The following PDGFD variants were observed in gnomAD, a reference collection of about 807,000 sequenced individuals.
PDGFD encodes platelet derived growth factor D, also known as platelet-derived growth factor D.
In PDGFD, 30 loss-of-function variants were observed where a neutral mutation model predicts 44.7. The observed-to-expected ratio is 0.67, with a 90% CI of 0.50 to 0.91. The LOEUF (loss-of-function observed/expected upper bound fraction) is 0.91, where lower values mean the gene tolerates loss of function less well. Among genes scored for constraint, PDGFD ranks in the 40% least tolerant of loss-of-function variants. The pLI, the probability that PDGFD is intolerant of heterozygous loss-of-function variation, is 0.00. For missense variants in PDGFD, 445 were observed against 457.8 expected (o/e 0.97, Z 0.25); for synonymous variants, 173 against 168.4 (o/e 1.03, Z -0.21).
intron 1 of PDGFD, among the ~76,000 whole-genome samples, chr11:104,099,911 C>T (rs943067179): frequency 2.0e-5 from 3 of 152,026 alleles, no homozygotes; most frequent in Non-Finnish European, 2.9e-5. Flanking sequence ...ACACGGATTG[C>T]TTTAATCTGC....
At chr11:104,096,647 T>A (rs1316996846) in intron 1 of PDGFD, among the ~76,000 whole-genome samples, 1 of 152,180 alleles carries the variant, frequency 6.6e-6, no homozygotes, top group Non-Finnish European at 1.5e-5. Flanking sequence ...TACAGGTGTC[T>A]TATTACATAG....
At chr11:103,993,890 T>G (rs1467920639) in intron 3 of PDGFD, among the ~76,000 whole-genome samples, 1 of 151,592 alleles carries the variant, frequency 6.6e-6, no homozygotes, top group Non-Finnish European at 1.5e-5. Flanking sequence ...AACAGACCAG[T>G]AGAAAAATAC....
chr11:103,956,307 G>A (rs1858846500), intron 3 of PDGFD, among the ~76,000 whole-genome samples: 1 of 151,500 alleles, frequency 6.6e-6, no homozygotes, highest in Non-Finnish European at 1.5e-5. Context: ...GTGAGAACAG[G>A]CGGTGTTTGG....
intron 1 of PDGFD, among the ~76,000 whole-genome samples, chr11:104,094,491 TTTCTAAAATCAAAC>T (rs1324097318): frequency 6.6e-6 from 1 of 152,052 alleles, no homozygotes; most frequent in Non-Finnish European, 1.5e-5. Flanking sequence ...AAACTTCACT[TTTCTAAAATCAAAC>T]TCCCCACCTC....
intron 1 of PDGFD, among the ~76,000 whole-genome samples, chr11:104,154,447 CT>C (rs1399741475): frequency 6.6e-6 from 1 of 152,112 alleles, no homozygotes; most frequent in Non-Finnish European, 1.5e-5. Context: ...GGGCTAATCC[CT>C]GAAGAAACAA....
intron 1 of PDGFD, among the ~76,000 whole-genome samples, chr11:104,018,384 A>T (rs578040786): frequency 4.3e-4 from 65 of 152,174 alleles, no homozygotes; most frequent in Non-Finnish European, 1.3e-4. Context: ...AATATGTTTG[A>T]TTTTCCATCT....
intron 1 of PDGFD, among the ~76,000 whole-genome samples, chr11:104,051,944 T>C (rs1157148690): frequency 6.6e-6 from 1 of 152,176 alleles, no homozygotes; most frequent in African/African-American, 2.4e-5. Flanking sequence ...TTGCAACCAC[T>C]ATTTCCATCT....
chr11:104,077,081 G>T (rs2134425529), intron 1 of PDGFD, among the ~76,000 whole-genome samples: 1 of 152,280 alleles, frequency 6.6e-6, no homozygotes, highest in Admixed American at 6.5e-5. Flanking sequence ...GGAGTCAAAA[G>T]TTATACATTG....
At chr11:104,094,752 A>G (rs1476709447) in intron 1 of PDGFD, among the ~76,000 whole-genome samples, 1 of 152,138 alleles carries the variant, frequency 6.6e-6, no homozygotes, top group East Asian at 1.9e-4. Flanking sequence ...GACAAATACA[A>G]CAGTCTCCAA....
At chr11:103,965,803 C>T (rs1248099848) in intron 3 of PDGFD, among the ~76,000 whole-genome samples, 1 of 152,118 alleles carries the variant, frequency 6.6e-6, no homozygotes, top group Non-Finnish European at 1.5e-5. Context: ...ACAGGAACAC[C>T]TGCACTGAGC....
At chr11:103,927,194 G>T in intron 5 of PDGFD, 68 bp from the exon 6 acceptor site, 2 of 1,389,882 alleles carry the variant, frequency 1.4e-6, no homozygotes, top group Non-Finnish European at 1.0e-6. Context: ...CATGTGTTTT[G>T]GGGAATAGAG....
intron 1 of PDGFD, among the ~76,000 whole-genome samples, chr11:104,049,008 C>G (rs1860485080): frequency 6.6e-6 from 1 of 152,206 alleles, no homozygotes; most frequent in Admixed American, 6.5e-5. Context: ...CTGAGGAACA[C>G]AGAGGTTGTG....
chr11:104,125,364 C>T (rs1284594433), intron 1 of PDGFD, among the ~76,000 whole-genome samples: 1 of 151,918 alleles, frequency 6.6e-6, no homozygotes, highest in African/African-American at 2.4e-5. Context: ...TCAAAAGAAA[C>T]AATACATATA....
intron 3 of PDGFD, among the ~76,000 whole-genome samples, chr11:103,984,710 T>C (rs1394182806): frequency 6.7e-6 from 1 of 150,228 alleles, no homozygotes; most frequent in Non-Finnish European, 1.5e-5. Flanking sequence ...ATAATGTTGA[T>C]TTAAAAAAAC....
chr11:104,102,553 T>C (rs1423116250), intron 1 of PDGFD, among the ~76,000 whole-genome samples: 1 of 152,156 alleles, frequency 6.6e-6, no homozygotes, highest in Admixed American at 6.5e-5. Flanking sequence ...AGAAATACCA[T>C]TTGACCCAGC....
At chr11:103,989,384 A>G (rs1167114256) in intron 3 of PDGFD, among the ~76,000 whole-genome samples, 1 of 152,170 alleles carries the variant, frequency 6.6e-6, no homozygotes, top group African/African-American at 2.4e-5. Context: ...AAGTGCCTTC[A>G]TTTTCTCTGC....
intron 3 of PDGFD, among the ~76,000 whole-genome samples, chr11:103,972,825 G>A (rs1281811075): frequency 6.6e-6 from 1 of 152,136 alleles, no homozygotes; most frequent in East Asian, 1.9e-4. Context: ...ACTGCAACAT[G>A]GGAATATTGT....
chr11:103,960,903 A>G (rs1858925834), intron 3 of PDGFD, among the ~76,000 whole-genome samples: 1 of 152,140 alleles, frequency 6.6e-6, no homozygotes, highest in Admixed American at 6.6e-5. Flanking sequence ...CAAGGGCACT[A>G]ATCACATCAA....
At chr11:103,958,763 T>C (rs890746633) in intron 3 of PDGFD, among the ~76,000 whole-genome samples, 1 of 152,204 alleles carries the variant, frequency 6.6e-6, no homozygotes, top group East Asian at 1.9e-4. Context: ...ACTGACGTTA[T>C]ATAAATAGAT....
Sources: gnomAD v4.1 joint callset for allele counts (sites outside exome capture counted in the v4.1 genomes callset) on GRCh38, gnomAD v4.1.1 for gene constraint, MANE v1.5 for transcripts, NCBI Gene and HGNC (gene_info 2026-07-23, HGNC 2026-07-21) for gene names.